The following CHST11 variants were observed in gnomAD, a reference collection of about 807,000 sequenced individuals.
CHST11 encodes the protein C4S-1.
In CHST11, 9 loss-of-function variants were observed where a neutral mutation model predicts 30.4. The ratio of observed to expected loss-of-function variants is 0.30; its 90% CI spans 0.18 to 0.52. The LOEUF (loss-of-function observed/expected upper bound fraction) is 0.52. Ranked by LOEUF, CHST11 falls within the 20% of genes least tolerant of loss-of-function variation. The pLI, the probability that CHST11 is intolerant of heterozygous loss-of-function variation, is 0.97. For missense variants in CHST11, 348 were observed against 460.6 expected (o/e 0.76, Z 2.24); for synonymous variants, 152 against 187.8 (o/e 0.81, Z 1.56).
At chr12:104,574,911 G>T (rs1421730907) in intron 1 of CHST11, among the ~76,000 whole-genome samples, 2 of 151,944 alleles carry the variant, frequency 1.3e-5, no homozygotes, top group Non-Finnish European at 2.9e-5. Flanking sequence ...GACTGTAGAG[G>T]CCGGGCGTGG....
chr12:104,472,436 C>T (rs2037519945), intron 1 of CHST11, among the ~76,000 whole-genome samples: 1 of 152,074 alleles, frequency 6.6e-6, no homozygotes, highest in Non-Finnish European at 1.5e-5. Context: ...TTTCAGGCCT[C>T]TAAGGTATCT....
chr12:104,588,370 G>T (rs1193133399), intron 1 of CHST11, among the ~76,000 whole-genome samples: 2 of 152,062 alleles, frequency 1.3e-5, no homozygotes, highest in Non-Finnish European at 2.9e-5. Context: ...AACAATTTTG[G>T]CATCTCAAAC....
In CHST11 at chr12:104,575,595, G is replaced by T. The variant is rs561158447; in HGVS notation, c.119-26311G>T. Among the ~76,000 whole-genome samples, 6 of 152,278 alleles carry T rather than the reference G, an allele frequency of 3.9e-5. No individual in the cohort carries two copies. In the East Asian group the frequency reaches 9.7e-4, roughly 25 times the overall value. ...AGGAACATCTGTCCGTTTGAAGGAA[G>T]TTTCCTGGGTGTGTTCTGAGTGAGC... On this transcript the variant is annotated intron_variant, in intron 1 of 2. Coordinates refer to ENST00000303694, the MANE Select transcript of CHST11 (RefSeq NM_018413.6).
At chr12:104,550,350 T>C (rs1179091988) in intron 1 of CHST11, among the ~76,000 whole-genome samples, 1 of 152,196 alleles carries the variant, frequency 6.6e-6, no homozygotes, top group Non-Finnish European at 1.5e-5. Flanking sequence ...TATTTTGATC[T>C]TTCTCTGAGC....
At chr12:104,673,136 T>G (rs1424158818) in intron 2 of CHST11, among the ~76,000 whole-genome samples, 2 of 152,192 alleles carry the variant, frequency 1.3e-5, no homozygotes, top group Middle Eastern at 3.2e-3. Context: ...CTGTCTTCTT[T>G]TTTGTCTCTT....
intron 2 of CHST11, among the ~76,000 whole-genome samples, chr12:104,680,282 GT>G (rs2039781836): frequency 6.6e-6 from 1 of 152,258 alleles, no homozygotes; most frequent in South Asian, 2.1e-4. Flanking sequence ...CAACACTGGA[GT>G]GACATGCAAA....
At chr12:104,674,299 A>C (rs1369701651) in intron 2 of CHST11, among the ~76,000 whole-genome samples, 1 of 152,198 alleles carries the variant, frequency 6.6e-6, no homozygotes, top group Non-Finnish European at 1.5e-5. Context: ...CCAGATCACT[A>C]ATTCTACGAC....
rs145169297 is a variant in CHST11, at chr12:104,757,060, G to A, written c.316G>A (p.Asp106Asn). The part of the protein sequence containing the change: ...SRKRRVLTPN[D>N]LKHLVVDEDH... ...TAAGCGGAGGGTGCTGACCCCCAAC[G>A]ACCTGAAGCACTTGGTGGTGGATGA... The change falls in exon 3 of 3, where the codon GAC becomes AAC. Residue 106 changes from aspartate to asparagine, a missense_variant. By Grantham distance (23) the Asp-to-Asn change is conservative. This residue lies in a region of CHST11 where 135 missense variants were observed against 155.8 expected (regional missense o/e 0.87). Coordinates refer to ENST00000303694, the MANE Select transcript of CHST11 (RefSeq NM_018413.6). This position sits in a 1 kb window ranked among gnomAD's most constrained non-coding sequence, Gnocchi z 6.5. 286 of 1,614,012 alleles carry A rather than the reference G, an allele frequency of 1.8e-4. No homozygotes were observed. The highest frequency in any genetic ancestry group is 2.3e-4 in the Non-Finnish European group (271 of 1,180,038).
At chr12:104,656,405 G>A (rs1169812903) in intron 2 of CHST11, among the ~76,000 whole-genome samples, 1 of 152,150 alleles carries the variant, frequency 6.6e-6, no homozygotes, top group African/African-American at 2.4e-5. Context: ...GAGGCCCTGG[G>A]TCTGTCTTCA....
chr12:104,480,199 CG>C (rs902135005), intron 1 of CHST11, among the ~76,000 whole-genome samples: 6 of 152,048 alleles, frequency 3.9e-5, no homozygotes, highest in African/African-American at 1.4e-4. Flanking sequence ...ATAGTGTCCC[CG>C]CCCCCCCCTC....
intron 2 of CHST11, among the ~76,000 whole-genome samples, chr12:104,738,264 A>G (rs2040317785): frequency 1.3e-5 from 2 of 152,068 alleles, no homozygotes; most frequent in Non-Finnish European, 2.9e-5. Context: ...CTTCCCGACC[A>G]GCTTTGAGGT....
chr12:104,462,769 A>G (rs901375287), intron 1 of CHST11, among the ~76,000 whole-genome samples: 2 of 152,208 alleles, frequency 1.3e-5, no homozygotes, highest in African/African-American at 4.8e-5. Flanking sequence ...CTATGTACCT[A>G]TAAAAATTAA....
chr12:104,491,229 G>A (rs937372922), intron 1 of CHST11, among the ~76,000 whole-genome samples: 1 of 152,154 alleles, frequency 6.6e-6, no homozygotes, highest in Non-Finnish European at 1.5e-5. Context: ...CCATTGGAGA[G>A]TATCCTCTAA....
intron 1 of CHST11, among the ~76,000 whole-genome samples, chr12:104,472,145 T>C (rs2037516408): frequency 6.6e-6 from 1 of 151,220 alleles, no homozygotes; most frequent in Non-Finnish European, 1.5e-5. Flanking sequence ...TTTTTTCTTT[T>C]TTTTTTTTTT....
intron 1 of CHST11, among the ~76,000 whole-genome samples, chr12:104,481,060 T>C (rs1316642498): frequency 6.6e-6 from 1 of 152,218 alleles, no homozygotes; most frequent in African/African-American, 2.4e-5. Context: ...ACTTAACCTC[T>C]CTGTGCCGTA....
At chr12:104,750,443 T>G (rs2040421042) in intron 2 of CHST11, among the ~76,000 whole-genome samples, 1 of 115,362 alleles carries the variant, frequency 8.7e-6, no homozygotes, top group Admixed American at 8.8e-5. Context: ...TTTTTTTTTT[T>G]TTTTTTTTTT....
intron 1 of CHST11, among the ~76,000 whole-genome samples, chr12:104,538,951 C>T (rs548294086): frequency 1.3e-4 from 20 of 152,278 alleles, no homozygotes; most frequent in Admixed American, 9.8e-4. Flanking sequence ...TGAATCCACA[C>T]GACAATCCTA....
At chr12:104,703,723 C>T (rs1048085770) in intron 2 of CHST11, among the ~76,000 whole-genome samples, 7 of 152,244 alleles carry the variant, frequency 4.6e-5, no homozygotes, top group Admixed American at 1.3e-4. Context: ...ATTCCAGGCT[C>T]ACTGTGTGGT....
chr12:104,503,539 C>G (rs142433186), intron 1 of CHST11, among the ~76,000 whole-genome samples: 134 of 152,334 alleles, frequency 8.8e-4, no homozygotes, highest in African/African-American at 3.0e-3. Context: ...AGAACAGCTC[C>G]TGGCACACCT....
Sources: allele counts gnomAD v4.1 joint callset (sites outside exome capture counted in the v4.1 genomes callset), GRCh38; gene constraint gnomAD v4.1.1; regional missense constraint gnomAD v4.1.1; non-coding constraint Gnocchi (gnomAD v3.1); transcripts MANE v1.5; gene names NCBI Gene and HGNC (gene_info 2026-07-23, HGNC 2026-07-21).